The following PPARGC1A variants were observed in gnomAD, a reference collection of about 807,000 sequenced individuals.
PPARGC1A encodes the protein peroxisome proliferator-activated receptor gamma coactivator 1-alpha.
In PPARGC1A, 25 loss-of-function variants were observed where a neutral mutation model predicts 88.7. The ratio of observed to expected loss-of-function variants is 0.28; its 90% CI spans 0.21 to 0.39. The LOEUF (loss-of-function observed/expected upper bound fraction) is 0.39, where lower values mean the gene tolerates loss of function less well. Among genes scored for constraint, PPARGC1A ranks in the 10% least tolerant of loss-of-function variants. PPARGC1A has a pLI of 1.00. For missense variants in PPARGC1A, 880 were observed against 968.7 expected (o/e 0.91, Z 1.22); for synonymous variants, 363 against 355.6 (o/e 1.02, Z -0.24).
intron 2 of PPARGC1A, among the ~76,000 whole-genome samples, chr4:23,873,207 A>T (rs1192537309): frequency 7.1e-6 from 1 of 140,792 alleles, no homozygotes; most frequent in Non-Finnish European, 1.6e-5. Flanking sequence ...CAAAAATAAA[A>T]AATAAAAAAT....
chr4:24,070,915 C>T, the PPARGC1A span, among the ~76,000 whole-genome samples: 1 of 152,144 alleles, frequency 6.6e-6, no homozygotes, highest in East Asian at 1.9e-4. Context: ...AGTGACAGAG[C>T]TGAGTAGTTG....
the PPARGC1A span, among the ~76,000 whole-genome samples, chr4:24,323,374 AAAG>A: frequency 6.6e-6 from 1 of 152,148 alleles, no homozygotes; most frequent in East Asian, 1.9e-4. Flanking sequence ...AAGAATCACA[AAAG>A]AAGTGAAAAG....
chr4:24,319,146 G>A, the PPARGC1A span, among the ~76,000 whole-genome samples: 3 of 152,294 alleles, frequency 2.0e-5, no homozygotes, highest in East Asian at 5.8e-4. Flanking sequence ...AGGAGTTCCA[G>A]ACAAGCCTGG....
chr4:24,006,344 C>T, the PPARGC1A span, among the ~76,000 whole-genome samples: 7 of 152,258 alleles, frequency 4.6e-5, no homozygotes, highest in South Asian at 4.1e-4. Context: ...GCACTGTGCC[C>T]GGCCAGTTTT....
At chr4:24,465,942 T>C in the PPARGC1A span, among the ~76,000 whole-genome samples, 11 of 152,218 alleles carry the variant, frequency 7.2e-5, no homozygotes, top group Admixed American at 3.3e-4. Context: ...TCCCTCACTA[T>C]ATATATGATA....
At chr4:24,122,888 C>T in the PPARGC1A span, among the ~76,000 whole-genome samples, 1 of 152,104 alleles carries the variant, frequency 6.6e-6, no homozygotes, top group Non-Finnish European at 1.5e-5. Context: ...ATTTGAGGAA[C>T]TACAGACACA....
chr4:23,957,182 A>G, the PPARGC1A span, among the ~76,000 whole-genome samples: 147,917 of 152,150 alleles, frequency 0.97, 72,024 homozygotes, highest in Non-Finnish European at 1. Context: ...TACAACCCTC[A>G]TTAGTCATCA....
chr4:24,184,684 G>A, the PPARGC1A span, among the ~76,000 whole-genome samples: 41 of 152,158 alleles, frequency 2.7e-4, no homozygotes, highest in Non-Finnish European at 5.1e-4. Context: ...TCCTCCTCAC[G>A]TGCACCCTCT....
chr4:24,136,859 T>C, the PPARGC1A span, among the ~76,000 whole-genome samples: 340 of 152,238 alleles, frequency 2.2e-3, 1 homozygote, highest in African/African-American at 7.8e-3. Flanking sequence ...CTCACGCCTG[T>C]AATCCCAGCA....
At chr4:24,303,788 GA>G in the PPARGC1A span, among the ~76,000 whole-genome samples, 1 of 151,792 alleles carries the variant, frequency 6.6e-6, no homozygotes, top group South Asian at 2.1e-4. Flanking sequence ...AAAAGAAGAA[GA>G]AAAAAAAGCA....
chr4:23,863,988 C>A (rs1731707669), intron 2 of PPARGC1A, among the ~76,000 whole-genome samples: 1 of 152,160 alleles, frequency 6.6e-6, no homozygotes, highest in African/African-American at 2.4e-5. Context: ...CTCAGGTGAT[C>A]CACCTGCCTC....
At chr4:24,335,347 G>A in the PPARGC1A span, among the ~76,000 whole-genome samples, 2 of 152,330 alleles carry the variant, frequency 1.3e-5, no homozygotes, top group Middle Eastern at 3.4e-3. Flanking sequence ...CCTTAGGGAA[G>A]TAGGTGAGGG....
At chr4:23,936,475 G>A in the PPARGC1A span, among the ~76,000 whole-genome samples, 2 of 152,134 alleles carry the variant, frequency 1.3e-5, no homozygotes, top group Admixed American at 6.5e-5. Context: ...AGTGGCTCAC[G>A]CATGTAATCC....
the PPARGC1A span, among the ~76,000 whole-genome samples, chr4:23,922,336 A>C: frequency 6.6e-6 from 1 of 152,200 alleles, no homozygotes; most frequent in Non-Finnish European, 1.5e-5. Context: ...AGACAACTTC[A>C]CTTTCTTGCC....
chr4:24,257,952 T>A, the PPARGC1A span, among the ~76,000 whole-genome samples: 1 of 152,068 alleles, frequency 6.6e-6, no homozygotes, highest in Admixed American at 6.6e-5. Context: ...ACATATTTAG[T>A]CCAAATTATC....
the PPARGC1A span, among the ~76,000 whole-genome samples, chr4:23,964,093 A>C: frequency 6.6e-6 from 1 of 152,226 alleles, no homozygotes; most frequent in African/African-American, 2.4e-5. Flanking sequence ...ATTCCTTACA[A>C]TACAAGTTCA....
chr4:23,801,654 GC>G, intron 12 of PPARGC1A, 75 bp downstream of exon 12: 1 of 1,493,394 alleles, frequency 6.7e-7, no homozygotes, highest in Non-Finnish European at 9.3e-7. Context: ...AACCCAAGGT[GC>G]CTACGGATTA....
chr4:23,901,386 A>C (rs1174589438), upstream of PPARGC1A, among the ~76,000 whole-genome samples: 3 of 149,880 alleles, frequency 2.0e-5, no homozygotes, highest in African/African-American at 7.4e-5. Flanking sequence ...AAAAAAAAAA[A>C]AAAAGTAAGT....
chr4:23,865,734 C>A (rs1711794551), intron 2 of PPARGC1A, among the ~76,000 whole-genome samples: 1 of 152,158 alleles, frequency 6.6e-6, no homozygotes, highest in Non-Finnish European at 1.5e-5. Flanking sequence ...CGATTAATTG[C>A]CTCACAGGTA....
Sources: gnomAD v4.1 joint callset for allele counts (sites outside exome capture counted in the v4.1 genomes callset) on GRCh38, gnomAD v4.1.1 for gene constraint, MANE v1.5 for transcripts, NCBI Gene and HGNC (gene_info 2026-07-23, HGNC 2026-07-21) for gene names.